LMF1: variants seen among roughly 807,000 people sequenced by gnomAD.
LMF1 encodes transmembrane protein 112.
A neutral mutation model predicts 60.6 loss-of-function variants in LMF1; 68 were observed. The ratio of observed to expected loss-of-function variants is 1.12; its 90% CI spans 0.92 to 1.37. The LOEUF is 1.37. LMF1 is among the 40% of genes most tolerant of loss of function. The pLI is 0.00. For synonymous variants in LMF1, 418 were observed against 324.7 expected, an observed-to-expected ratio of 1.29 and a Z score of -3.09; for missense variants, 948 against 767.2, an observed-to-expected ratio of 1.24 and a Z score of -2.78.
intron 6 of LMF1, among the ~76,000 whole-genome samples, chr16:876,126 T>A (rs1185358744): frequency 1.3e-5 from 2 of 152,228 alleles, no homozygotes; most frequent in Non-Finnish European, 2.9e-5. Context: ...TCTGTTGCCC[T>A]TCAGAGGCTG....
chr16:868,862 G>A (rs889051761), intron 10 of LMF1, 82 bp downstream of exon 10: 17 of 889,466 alleles, frequency 1.9e-5, no homozygotes, highest in African/African-American at 1.1e-4. Flanking sequence ...AGCAGGTGGG[G>A]GTGCAGGTAC....
At chr16:967,962 G>T (rs2072959885) in intron 1 of LMF1, among the ~76,000 whole-genome samples, 1 of 152,224 alleles carries the variant, frequency 6.6e-6, no homozygotes, top group Non-Finnish European at 1.5e-5. Context: ...ACGTCAGGAA[G>T]ACAGGTGTGT....
chr16:964,141 A>T (rs1386197014), intron 1 of LMF1: 3 of 455,866 alleles, frequency 6.6e-6, no homozygotes, highest in African/African-American at 6.0e-5. Flanking sequence ...TCAGAATCAG[A>T]AAGAAATAGC....
chr16:964,043 T>C (rs1422474286), intron 1 of LMF1: 1 of 456,042 alleles, frequency 2.2e-6, no homozygotes, highest in African/African-American at 2.0e-5. Context: ...ACCCAGAGCC[T>C]GACCTGGGAG....
In LMF1 at chr16:879,621, G is replaced by A. The variant is rs2070102294; in HGVS notation, c.846C>T (p.Phe282=). 10 of 1,613,408 alleles carry A rather than the reference G, an allele frequency of 6.2e-6. No individual in the cohort carries two copies. The highest frequency in any genetic ancestry group is 8.5e-6 in the Non-Finnish European group (10 of 1,179,780). Residue 282 remains phenylalanine, a synonymous_variant, in exon 6 of 11, where the codon TTC becomes TTT. Coordinates refer to ENST00000262301, the MANE Select transcript of LMF1 (RefSeq NM_022773.4). ...GGATGATGCACGCCCGCCGGCCGAG[G>A]AAGAGGAAGAAGGGCACCAGGAGCT... is the stretch of plus-strand genomic sequence containing the variant. ...FIELLVPFFL[F]LGRRACIIHG...
intron 1 of LMF1, among the ~76,000 whole-genome samples, chr16:957,735 G>C (rs1225226989): frequency 6.6e-6 from 1 of 152,212 alleles, no homozygotes; most frequent in African/African-American, 2.4e-5. Context: ...TTAAGGAAGA[G>C]CCGCAGAACT....
chr16:979,821 G>A (rs970359995), intron 1 of LMF1: 1 of 451,176 alleles, frequency 2.2e-6, no homozygotes, highest in African/African-American at 2.0e-5. Flanking sequence ...CACCCTCACT[G>A]CTTCCACTTA....
At chr16:970,287 T>C (rs1159478420) in intron 1 of LMF1, among the ~76,000 whole-genome samples, 1 of 152,148 alleles carries the variant, frequency 6.6e-6, no homozygotes, top group African/African-American at 2.4e-5. Context: ...GGATGTGGCG[T>C]GCGGGCGTCC....
chr16:913,895 G>A (rs1295574018), intron 3 of LMF1, among the ~76,000 whole-genome samples: 8 of 152,198 alleles, frequency 5.3e-5, no homozygotes, highest in Admixed American at 2.6e-4. Context: ...GCAGGCCCCC[G>A]ACACCCCGAC....
intron 2 of LMF1, among the ~76,000 whole-genome samples, chr16:948,772 G>A (rs1190375232): frequency 7.5e-6 from 1 of 132,722 alleles, no homozygotes; most frequent in East Asian, 2.3e-4. Context: ...GACAGAGTCA[G>A]CCAACGACAG....
intron 10 of LMF1, among the ~76,000 whole-genome samples, chr16:860,048 C>T (rs1235846273): frequency 2.0e-5 from 3 of 149,836 alleles, no homozygotes; most frequent in African/African-American, 2.6e-5. Context: ...GTCATCTGTG[C>T]ACCTTCTTTG....
chr16:858,939 GC>G (rs72232546), intron 10 of LMF1, among the ~76,000 whole-genome samples: 5 of 80,686 alleles, frequency 6.2e-5, no homozygotes, highest in African/African-American at 7.0e-5. Context: ...GGACGGGTGT[GC>G]AGTGGTGTCA....
intron 1 of LMF1, among the ~76,000 whole-genome samples, chr16:963,053 G>A (rs1487982015): frequency 2.6e-5 from 4 of 152,010 alleles, no homozygotes; most frequent in African/African-American, 9.7e-5. Context: ...ACACAGGCGG[G>A]CACGGGATGG....
chr16:933,869 G>T (rs2071862580), intron 3 of LMF1: 1 of 958,254 alleles, frequency 1.0e-6, no homozygotes, highest in Non-Finnish European at 1.4e-6. Context: ...GTGCCCACCA[G>T]CGTGAGTGCC....
intron 5 of LMF1, among the ~76,000 whole-genome samples, chr16:883,387 C>G (rs923112908): frequency 1.3e-5 from 2 of 152,212 alleles, no homozygotes; most frequent in African/African-American, 4.8e-5. Context: ...CAGAACCTGT[C>G]ACAGGACCAG....
At chr16:942,381 C>T (rs2072122604) in intron 2 of LMF1, among the ~76,000 whole-genome samples, 1 of 152,254 alleles carries the variant, frequency 6.6e-6, no homozygotes, top group Non-Finnish European at 1.5e-5. Flanking sequence ...TTTTCTCTTA[C>T]TTTTACTGCT....
chr16:948,099 G>A (rs1455914318), intron 2 of LMF1, among the ~76,000 whole-genome samples: 4 of 150,230 alleles, frequency 2.7e-5, no homozygotes, highest in South Asian at 4.2e-4. Flanking sequence ...GTCAGCCAAC[G>A]ACAGAGTCAG....
rs952981793 is a variant in LMF1, at chr16:939,510, C to T, written c.504-5256G>A. Among the ~76,000 whole-genome samples, 3 of 152,238 alleles carry T rather than the reference C, an allele frequency of 2.0e-5. 1 individual carries two copies. Among genetic ancestry groups the T allele is most frequent in the South Asian group, 4.1e-4 (2 of 4,830 alleles). On this transcript the variant is annotated intron_variant, in intron 2 of 10. Coordinates refer to ENST00000262301, the MANE Select transcript of LMF1 (RefSeq NM_022773.4). ...ACCACCCTGTGGCCACCACACGTGC[C>T]GCCGAGCAGCGGAGGTCCAGACGGG...
chr16:978,382 C>CG (rs1193979053), intron 1 of LMF1, among the ~76,000 whole-genome samples: 1 of 152,010 alleles, frequency 6.6e-6, no homozygotes, highest in Non-Finnish European at 1.5e-5. Flanking sequence ...CACGCGCCTC[C>CG]GGGGTCGCCA....
Sources: gnomAD v4.1 joint callset for allele counts (sites outside exome capture counted in the v4.1 genomes callset) on GRCh38, gnomAD v4.1.1 for gene constraint, MANE v1.5 for transcripts, NCBI Gene and HGNC (gene_info 2026-07-23, HGNC 2026-07-21) for gene names.